BORCS5: variants seen among roughly 807,000 people sequenced by gnomAD.
The protein encoded by BORCS5 is BLOC-1-related complex subunit 5.
A neutral mutation model predicts 22.1 loss-of-function variants in BORCS5; 17 were observed. That is an observed-to-expected ratio of 0.77 (90% CI 0.53 to 1.15). The LOEUF is 1.15. BORCS5 is among the 50% of genes most tolerant of loss of function. The pLI, the probability that BORCS5 is intolerant of heterozygous loss-of-function variation, is 0.00. For missense variants in BORCS5, 247 were observed against 253.2 expected (o/e 0.98, Z 0.17); for synonymous variants, 117 against 99.8 (o/e 1.17, Z -1.03).
At chr12:12,401,519 A>T (rs1941474710) in intron 2 of BORCS5, among the ~76,000 whole-genome samples, 1 of 151,904 alleles carries the variant, frequency 6.6e-6, no homozygotes, top group African/African-American at 2.4e-5. Flanking sequence ...TTTTTTAATA[A>T]TTTTTTTTCT....
In BORCS5 at chr12:12,438,360, C is replaced by CAAAAAAAAAAA. The variant is rs57737663; in HGVS notation, c.360+2585_360+2595dup. On this transcript the variant is annotated intron_variant, in intron 3 of 3. Coordinates refer to ENST00000314565, the MANE Select transcript of BORCS5 (RefSeq NM_058169.6). The stretch of plus-strand genomic sequence containing the variant: ...AGGGCGACAGAGCCAGATTTCATCT[C>CAAAAAAAAAAA]AAAAAAAAAAAAAAAAAAAACGAAA... Among the ~76,000 whole-genome samples, 40 of 23,802 alleles carry CAAAAAAAAAAA rather than the reference C, an allele frequency of 1.7e-3. 1 individual carries two copies. Among genetic ancestry groups the CAAAAAAAAAAA allele is most frequent in the East Asian group, 9.8e-3 (10 of 1,024 alleles). 15.6% of individuals were successfully genotyped at this position (23,802 alleles called of 152,430 possible).
At chr12:12,422,625 A>G (rs942307901) in intron 2 of BORCS5, among the ~76,000 whole-genome samples, 1 of 152,110 alleles carries the variant, frequency 6.6e-6, no homozygotes, top group Non-Finnish European at 1.5e-5. Flanking sequence ...AAGTAAAAGA[A>G]TAAGGAATGA....
intron 2 of BORCS5, among the ~76,000 whole-genome samples, chr12:12,367,591 A>T (rs1863431511): frequency 6.6e-6 from 1 of 152,204 alleles, no homozygotes; most frequent in African/African-American, 2.4e-5. Context: ...ACAAAAATAA[A>T]CATAGCTGTT....
chr12:12,450,154 G>C (rs1285019991), intron 3 of BORCS5, among the ~76,000 whole-genome samples: 1 of 152,218 alleles, frequency 6.6e-6, no homozygotes, highest in Non-Finnish European at 1.5e-5. Flanking sequence ...GGACAGGTGT[G>C]GTGGCCCTTG....
At chr12:12,463,160 A>G (rs1245918679) in intron 3 of BORCS5, among the ~76,000 whole-genome samples, 2 of 152,258 alleles carry the variant, frequency 1.3e-5, no homozygotes, top group African/African-American at 4.8e-5. Flanking sequence ...TACTGCCTAC[A>G]GTCACATCAA....
chr12:12,449,405 G>A (rs185231189), intron 3 of BORCS5, among the ~76,000 whole-genome samples: 9 of 152,126 alleles, frequency 5.9e-5, no homozygotes, highest in East Asian at 3.9e-4. Flanking sequence ...TTCTTTTCCT[G>A]GTTTGCTGCC....
intron 2 of BORCS5, among the ~76,000 whole-genome samples, chr12:12,365,536 A>C (rs1863389270): frequency 2.0e-5 from 3 of 150,194 alleles, no homozygotes; most frequent in Non-Finnish European, 1.5e-5. Flanking sequence ...CCCCACCCCA[A>C]CCCCCACTTG....
intron 2 of BORCS5, among the ~76,000 whole-genome samples, chr12:12,417,447 A>G (rs1446202866): frequency 6.6e-6 from 1 of 152,170 alleles, no homozygotes; most frequent in East Asian, 1.9e-4. Flanking sequence ...TGTTAGGTAC[A>G]TTATTCTGTC....
In BORCS5 at chr12:12,465,803, G is replaced by C; in HGVS notation, c.*27G>C. The C allele has an allele frequency of 1.9e-6, 3 of 1,582,286 alleles. No individual in the cohort carries two copies. The highest frequency in any genetic ancestry group is 2.6e-6 in the Non-Finnish European group (3 of 1,158,926). ...TGCTGCCCGGCCTGCCTGGGGCTGG[G>C]AGCCCCAGACACCGACACCCTGAGG... On this transcript the variant is annotated 3_prime_UTR_variant, in exon 4 of 4. Transcript: ENST00000314565.
intron 2 of BORCS5, among the ~76,000 whole-genome samples, chr12:12,427,412 C>G (rs140683697): frequency 6.6e-6 from 1 of 152,016 alleles, no homozygotes; most frequent in Non-Finnish European, 1.5e-5. Context: ...GATATCCTGA[C>G]CTTGTGATGG....
chr12:12,391,523 C>T (rs1941183297), intron 2 of BORCS5, among the ~76,000 whole-genome samples: 1 of 151,602 alleles, frequency 6.6e-6, no homozygotes, highest in Admixed American at 6.6e-5. Flanking sequence ...GTCGCTGGGA[C>T]TACAGGTGCA....
At position 12,466,096 on chromosome 12, in the gene BORCS5, T is replaced by G; in HGVS notation, c.*320T>G. 11 of 233,134 alleles carry G rather than the reference T, an allele frequency of 4.7e-5. No individual in the cohort carries two copies. The highest frequency in any genetic ancestry group is 1.0e-4 in the East Asian group (1 of 10,046). 14.4% of individuals were successfully genotyped at this position (233,134 alleles called of 1,614,324 possible). On this transcript the variant is annotated 3_prime_UTR_variant, in exon 4 of 4. Coordinates refer to ENST00000314565, the MANE Select transcript of BORCS5 (RefSeq NM_058169.6). Reference sequence around the variant, plus strand: ...TTTTTTTTTTTTAATTGAGAGTATATAGTCCAGTCCAGGTACCGGAATAAA... The same window carrying G: ...TTTTTTTTTTTTAATTGAGAGTATAGAGTCCAGTCCAGGTACCGGAATAAA...
chr12:12,415,416 G>A (rs1414672028), intron 2 of BORCS5, among the ~76,000 whole-genome samples: 15 of 151,682 alleles, frequency 9.9e-5, no homozygotes, highest in South Asian at 4.2e-4. Flanking sequence ...CAGGCGTGGC[G>A]GCGTGCGCCT....
chr12:12,390,489 A>G (rs1228100064), intron 2 of BORCS5, among the ~76,000 whole-genome samples: 1 of 152,098 alleles, frequency 6.6e-6, no homozygotes, highest in African/African-American at 2.4e-5. Flanking sequence ...AGAAATACAG[A>G]AAGTTATGGT....
At chr12:12,413,127 T>A (rs1205394646) in intron 2 of BORCS5, among the ~76,000 whole-genome samples, 29 of 87,150 alleles carry the variant, frequency 3.3e-4, no homozygotes, top group East Asian at 7.1e-4. Context: ...TTTTTTTTTT[T>A]ATTGATCATT....
At chr12:12,398,724 C>T (rs544418518) in intron 2 of BORCS5, among the ~76,000 whole-genome samples, 2 of 152,314 alleles carry the variant, frequency 1.3e-5, no homozygotes, top group Admixed American at 6.5e-5. Flanking sequence ...ACTGTGCAGA[C>T]CTTGTGCCAC....
At chr12:12,450,500 G>A (rs1488717915) in intron 3 of BORCS5, among the ~76,000 whole-genome samples, 1 of 152,074 alleles carries the variant, frequency 6.6e-6, no homozygotes, top group Non-Finnish European at 1.5e-5. Flanking sequence ...GTTTTGTCTG[G>A]TAATTTATTA....
rs111971196 is a variant in BORCS5, at chr12:12,391,515, C to T, written c.202+30166C>T. Among the ~76,000 whole-genome samples, 14 of 151,578 alleles carry T rather than the reference C, an allele frequency of 9.2e-5. 1 individual carries two copies. In the South Asian group the frequency reaches 2.7e-3, roughly 29 times the overall value. On this transcript the variant is annotated intron_variant, in intron 2 of 3. Coordinates refer to ENST00000314565, the MANE Select transcript of BORCS5 (RefSeq NM_058169.6). Reference sequence around the variant, plus strand: ...ATTCTCCTGCCTCAGTCTCCCAAGTCGCTGGGACTACAGGTGCACGCCACC... The same window carrying T: ...ATTCTCCTGCCTCAGTCTCCCAAGTTGCTGGGACTACAGGTGCACGCCACC...
rs185533638 is a variant in BORCS5 at position 12,363,822 on chromosome 12, A to G, written c.202+2473A>G. ...CTGAGGCAGGAGAATTGCTAGAACC[A>G]GGAGATGGAGGTTGCAGTGAGCTGA... is the stretch of plus-strand genomic sequence containing the variant. On this transcript the variant is annotated intron_variant, in intron 2 of 3. Coordinates refer to ENST00000314565, the MANE Select transcript of BORCS5 (RefSeq NM_058169.6). Among the ~76,000 whole-genome samples the G allele has an allele frequency of 6.5e-3, 984 of 151,946 alleles. 8 individuals carry two copies. Among genetic ancestry groups the G allele is most frequent in the Middle Eastern group, 0.014 (4 of 294 alleles).
Sources: gnomAD v4.1 joint callset for allele counts (sites outside exome capture counted in the v4.1 genomes callset) on GRCh38, gnomAD v4.1.1 for gene constraint, MANE v1.5 for transcripts, NCBI Gene and HGNC (gene_info 2026-07-23, HGNC 2026-07-21) for gene names.